The following ANO1 variants were observed in gnomAD, a reference collection of about 807,000 sequenced individuals.
ANO1 encodes anoctamin 1, also known as anoctamin-1.
Under a neutral mutation model 124.0 loss-of-function variants are expected in ANO1, and 59 were observed. That is an observed-to-expected ratio of 0.48 (90% CI 0.39 to 0.59). The LOEUF (loss-of-function observed/expected upper bound fraction) is 0.59. Among genes scored for constraint, ANO1 ranks in the 20% least tolerant of loss-of-function variants. The probability of loss-of-function intolerance (pLI) is 0.00; values close to 1 mark genes in which losing one functional copy is unlikely to be tolerated. For missense variants in ANO1, 1,059 were observed against 1,328.0 expected (o/e 0.80, Z 3.15); for synonymous variants, 529 against 532.0 (o/e 0.99, Z 0.08).
chr11:70,084,628 G>A (rs1012886992), intron 1 of ANO1, among the ~76,000 whole-genome samples: 2 of 152,158 alleles, frequency 1.3e-5, no homozygotes, highest in African/African-American at 4.8e-5. Context: ...TGACTACACG[G>A]CCTGCCATGA....
At chr11:70,080,821 C>T (rs976553363) in intron 1 of ANO1, among the ~76,000 whole-genome samples, 6 of 152,200 alleles carry the variant, frequency 3.9e-5, no homozygotes, top group East Asian at 3.9e-4. Context: ...CAGCATCTGC[C>T]GGTAGATGGC....
At chr11:70,182,150 T>G (rs1217090415) in intron 23 of ANO1, among the ~76,000 whole-genome samples, 2 of 151,282 alleles carry the variant, frequency 1.3e-5, no homozygotes, top group Non-Finnish European at 2.9e-5. Context: ...GGTGTGGGTG[T>G]TGTTAGCCCT....
intron 1 of ANO1, among the ~76,000 whole-genome samples, chr11:70,071,786 G>A (rs1225690179): frequency 6.6e-6 from 1 of 151,978 alleles, no homozygotes; most frequent in African/African-American, 2.4e-5. Context: ...ACCATGCCTG[G>A]CTAATTTTTT....
At chr11:70,103,035 C>T (rs79280450) in intron 2 of ANO1, 31 bp from the exon 3 acceptor site, 1 of 1,420,920 alleles carries the variant, frequency 7.0e-7, no homozygotes, top group Non-Finnish European at 9.7e-7. Context: ...CACCGCCCCC[C>T]CTCAACCCAG....
chr11:70,111,059 G>T (rs754407374), intron 6 of ANO1: 1 of 443,726 alleles, frequency 2.3e-6, no homozygotes, highest in Middle Eastern at 3.5e-4. Context: ...ACTGACGCTT[G>T]CTGCCCCAAA....
chr11:70,157,557 C>CG (rs1359052511), intron 16 of ANO1, among the ~76,000 whole-genome samples: 1 of 152,002 alleles, frequency 6.6e-6, no homozygotes, highest in African/African-American at 2.4e-5. Context: ...GGGCTTCACA[C>CG]GCCAGGGAGT....
intron 2 of ANO1, among the ~76,000 whole-genome samples, chr11:70,090,817 G>C (rs1296122606): frequency 5.3e-5 from 8 of 152,204 alleles, no homozygotes; most frequent in African/African-American, 1.9e-4. Flanking sequence ...GCTAAAAGAG[G>C]CTTTTCAGCA....
intron 2 of ANO1, among the ~76,000 whole-genome samples, chr11:70,094,114 ACC>A (rs1463598684): frequency 6.6e-6 from 1 of 152,038 alleles, no homozygotes; most frequent in African/African-American, 2.4e-5. Flanking sequence ...AACGCCCCTT[ACC>A]CACAGGCCTG....
At chr11:70,062,456 TGAGGA>T (rs1219408563) in intron 1 of ANO1, among the ~76,000 whole-genome samples, 1 of 152,164 alleles carries the variant, frequency 6.6e-6, no homozygotes, top group Non-Finnish European at 1.5e-5. Context: ...ATTTGCTGTG[TGAGGA>T]TCCTGCACCC....
intron 22 of ANO1, among the ~76,000 whole-genome samples, chr11:70,177,682 C>CT (rs1245637021): frequency 2.7e-5 from 4 of 147,744 alleles, no homozygotes; most frequent in Non-Finnish European, 5.9e-5. Flanking sequence ...TCACTGCAAC[C>CT]TCCGCCCCCC....
chr11:70,105,043 G>A (rs1003108178), intron 4 of ANO1, among the ~76,000 whole-genome samples: 11 of 152,186 alleles, frequency 7.2e-5, no homozygotes, highest in African/African-American at 1.4e-4. Flanking sequence ...CAGGGGCTTG[G>A]GGCATTAGAG....
intron 4 of ANO1, among the ~76,000 whole-genome samples, chr11:70,104,664 G>A (rs184047825): frequency 1.8e-4 from 27 of 152,332 alleles, no homozygotes; most frequent in Admixed American, 3.3e-4. Context: ...GCAGTGGGGC[G>A]TAGCCACCTG....
intron 1 of ANO1, among the ~76,000 whole-genome samples, chr11:70,051,289 A>G (rs939363369): frequency 6.6e-6 from 1 of 152,218 alleles, no homozygotes; most frequent in African/African-American, 2.4e-5. Context: ...CAACATAGTT[A>G]CATGTAGAAG....
intron 1 of ANO1, among the ~76,000 whole-genome samples, chr11:70,012,041 T>C (rs1856606392): frequency 6.6e-6 from 1 of 152,114 alleles, no homozygotes; most frequent in Admixed American, 6.6e-5. Context: ...CATCTATCTA[T>C]CCATCCATTG....
intron 2 of ANO1, among the ~76,000 whole-genome samples, chr11:70,095,362 GAAA>G (rs2044862046): frequency 4.9e-5 from 1 of 20,276 alleles, no homozygotes; most frequent in Admixed American, 6.5e-4. Flanking sequence ...AAGAAAGAAA[GAAA>G]GAAAGAAAGA....
intron 11 of ANO1, among the ~76,000 whole-genome samples, chr11:70,135,865 T>G (rs2046937286): frequency 1.3e-5 from 2 of 152,224 alleles, no homozygotes; most frequent in Admixed American, 6.5e-5. Flanking sequence ...GCTCTTGTTT[T>G]GGGAGCCCAA....
chr11:70,032,041 G>A (rs1555003869), intron 1 of ANO1, among the ~76,000 whole-genome samples: 1 of 152,212 alleles, frequency 6.6e-6, no homozygotes, highest in Non-Finnish European at 1.5e-5. Flanking sequence ...CAGGGTGCCA[G>A]ACACTCAGGG....
chr11:70,037,185 CG>C (rs1857108787), intron 1 of ANO1, among the ~76,000 whole-genome samples: 1 of 152,176 alleles, frequency 6.6e-6, no homozygotes, highest in East Asian at 1.9e-4. Flanking sequence ...CCAGCTTAGG[CG>C]GCCCAGCCTG....
At chr11:70,163,562 G>A in intron 19 of ANO1, 2 of 624,432 alleles carry the variant, frequency 3.2e-6, no homozygotes, top group African/African-American at 1.8e-5. Context: ...TAAAGTCGCT[G>A]TAGAGTTAAT....
Sources: allele counts gnomAD v4.1 joint callset (sites outside exome capture counted in the v4.1 genomes callset), GRCh38; gene constraint gnomAD v4.1.1; transcripts MANE v1.5; gene names NCBI Gene and HGNC (gene_info 2026-07-23, HGNC 2026-07-21).